The following MLKL variants were observed in gnomAD, a reference collection of about 807,000 sequenced individuals.
MLKL encodes mixed lineage kinase domain-like protein.
A neutral mutation model predicts 56.5 loss-of-function variants in MLKL; 55 were observed. That is an observed-to-expected ratio of 0.97 (90% CI 0.78 to 1.22). The LOEUF is 1.22. Among genes scored for constraint, MLKL ranks in the 50% most tolerant of loss-of-function variants. The probability of loss-of-function intolerance (pLI) is 0.00; values close to 1 mark genes in which losing one functional copy is unlikely to be tolerated. For synonymous variants in MLKL, 251 were observed against 208.3 expected (o/e 1.20, Z -1.76); for missense variants, 694 against 573.9 (o/e 1.21, Z -2.14).
chr16:74,694,149 T>A (rs1460156974), intron 2 of MLKL, among the ~76,000 whole-genome samples: 3 of 152,328 alleles, frequency 2.0e-5, no homozygotes, highest in East Asian at 3.9e-4. Context: ...TGATGCTGAC[T>A]GTGTGACAAC....
chr16:74,696,096 C>T (rs765751135), intron 1 of MLKL, among the ~76,000 whole-genome samples: 38 of 152,204 alleles, frequency 2.5e-4, no homozygotes, highest in Non-Finnish European at 3.8e-4. Context: ...TCCTCACACT[C>T]TCCCTTGGTT....
rs1960967559 is a variant in MLKL at position 74,695,411 on chromosome 16, A to G, written c.347T>C (p.Leu116Pro). The G allele has an allele frequency of 6.2e-7, 1 of 1,614,090 alleles. No individual in the cohort carries two copies. Among genetic ancestry groups the G allele is most frequent in the Admixed American group, 1.7e-5 (1 of 60,006 alleles). Residue 116 changes from leucine (L) to proline (P), a missense_variant, in exon 2 of 11, where the codon CTT (leucine) becomes CCT (proline). Coordinates refer to ENST00000308807, the MANE Select transcript of MLKL (RefSeq NM_152649.4). The stretch of plus-strand genomic sequence containing the variant: ...AACAGGCATGCGTTGCTCAACCTGA[A>G]GTAACAGCGAGAGCTCCTTCCAGAC... ...SDVWKELSLL[L>P]QVEQRMPVSP...
chr16:74,673,278 C>T (rs762129370), intron 10 of MLKL, among the ~76,000 whole-genome samples: 4 of 152,116 alleles, frequency 2.6e-5, no homozygotes, highest in East Asian at 1.9e-4. Context: ...AGTACAGTGG[C>T]GCGATCTTGG....
intron 5 of MLKL, 101 bp from the exon 6 acceptor site, chr16:74,682,887 T>C: frequency 7.3e-7 from 1 of 1,377,970 alleles, no homozygotes; most frequent in Non-Finnish European, 9.9e-7. Context: ...CAGACTTGGC[T>C]CTGCTGAGTC....
intron 4 of MLKL, among the ~76,000 whole-genome samples, chr16:74,690,781 CAAAAAAAAAAAAAA>C (rs58597472): frequency 6.0e-5 from 3 of 49,936 alleles, no homozygotes; most frequent in Admixed American, 7.0e-4. Flanking sequence ...GACCTTGTCT[CAAAAAAAAAAAAAA>C]AAAAAAAAAA....
intron 2 of MLKL, 27 bp downstream of exon 2, chr16:74,695,271 C>A: frequency 6.2e-7 from 1 of 1,604,932 alleles, no homozygotes; most frequent in East Asian, 2.2e-5. Flanking sequence ...AACTGCACTC[C>A]CACTCCCCAC....
chr16:74,675,293 T>G, intron 9 of MLKL, 62 bp downstream of exon 9: 1 of 1,611,060 alleles, frequency 6.2e-7, no homozygotes, highest in Non-Finnish European at 8.5e-7. Flanking sequence ...ATGGGGAATT[T>G]CTGGTCTACT....
chr16:74,692,733 A>C (rs760580741), intron 2 of MLKL, among the ~76,000 whole-genome samples: 7 of 152,264 alleles, frequency 4.6e-5, no homozygotes, highest in Non-Finnish European at 8.8e-5. Context: ...GTTTGCGTCA[A>C]CGCAGAAGTG....
chr16:74,675,426 GAAC>G (rs1376204719), intron 8 of MLKL, 22 bp from the exon 9 acceptor site: 1 of 1,611,736 alleles, frequency 6.2e-7, no homozygotes, highest in Admixed American at 1.7e-5. Context: ...CCAAGAAACT[GAAC>G]AACCATAACT....
At chr16:74,680,120 A>G (rs950312362) in intron 6 of MLKL, among the ~76,000 whole-genome samples, 5 of 152,170 alleles carry the variant, frequency 3.3e-5, no homozygotes, top group Admixed American at 1.3e-4. Flanking sequence ...TCAGCTGTCT[A>G]TAAGGGTGAA....
chr16:74,676,778 T>C (rs1337850518), intron 7 of MLKL: 1 of 152,222 alleles, frequency 6.6e-6, no homozygotes, highest in African/African-American at 2.4e-5. Flanking sequence ...ACTGCTAAAA[T>C]TCTTTTAGCA....
intron 6 of MLKL, 85 bp downstream of exon 6, chr16:74,682,566 G>A: frequency 6.5e-7 from 1 of 1,548,274 alleles, no homozygotes; most frequent in Middle Eastern, 2.4e-4. Context: ...GGGGCGTCTG[G>A]CCTGTTCTCT....
At chr16:74,699,835 G>C (rs1961270675) in intron 1 of MLKL, among the ~76,000 whole-genome samples, 1 of 152,082 alleles carries the variant, frequency 6.6e-6, no homozygotes, top group Non-Finnish European at 1.5e-5. Context: ...TAGCTACTTG[G>C]GAGGATCTGG....
intron 7 of MLKL, chr16:74,676,582 C>T (rs1959609372): frequency 1.8e-6 from 1 of 560,650 alleles, no homozygotes; most frequent in Non-Finnish European, 2.3e-6. Context: ...AATAGCGCAT[C>T]TTATAGTCAG....
chr16:74,678,089 G>C (rs1365373511), intron 7 of MLKL: 1 of 152,292 alleles, frequency 6.6e-6, no homozygotes, highest in Non-Finnish European at 1.5e-5. Flanking sequence ...GGGCTTCTAA[G>C]CCTGGATGAC....
At chr16:74,684,978 C>A (rs1024380219) in intron 5 of MLKL, among the ~76,000 whole-genome samples, 1 of 152,134 alleles carries the variant, frequency 6.6e-6, no homozygotes, top group Non-Finnish European at 1.5e-5. Context: ...AATTCTCCCA[C>A]CTCAGCCTCC....
In MLKL at chr16:74,675,609, G is replaced by A. The variant is rs1482097524; in HGVS notation, c.1190+4C>T. 3 of 1,612,232 alleles carry A rather than the reference G, an allele frequency of 1.9e-6. No homozygotes were observed. The highest frequency in any genetic ancestry group is 2.2e-5 in the East Asian group (1 of 44,874). ...TTAGAATCTGTACCAGAACGTGAGT[G>A]TACCTGTATATTTCAGACTTTACAT... On this transcript the variant is annotated splice_donor_region_variant and intron_variant, in intron 8 of 10. Transcript: ENST00000308807.
At chr16:74,673,246 C>G (rs1959342288) in intron 10 of MLKL, among the ~76,000 whole-genome samples, 1 of 152,192 alleles carries the variant, frequency 6.6e-6, no homozygotes, top group South Asian at 2.1e-4. Flanking sequence ...GAGACAGAGT[C>G]TTGCTCTGTC....
intron 4 of MLKL, among the ~76,000 whole-genome samples, chr16:74,687,469 G>A (rs541047885): frequency 3.3e-4 from 50 of 151,884 alleles, no homozygotes; most frequent in Non-Finnish European, 6.6e-4. Flanking sequence ...TAAAATTTGT[G>A]TGGAAATGAA....
Sources: gnomAD v4.1 joint callset for allele counts (sites outside exome capture counted in the v4.1 genomes callset) on GRCh38, gnomAD v4.1.1 for gene constraint, MANE v1.5 for transcripts, NCBI Gene and HGNC (gene_info 2026-07-23, HGNC 2026-07-21) for gene names.